The following BRIP1 variants were observed in gnomAD, a reference collection of about 807,000 sequenced individuals.
The protein encoded by BRIP1 is Fanconi anemia group J protein.
A neutral mutation model predicts 119.7 loss-of-function variants in BRIP1; 88 were observed. The ratio of observed to expected loss-of-function variants is 0.74; its 90% CI spans 0.62 to 0.88. BRIP1 has a LOEUF of 0.88. Ranked by LOEUF, BRIP1 falls within the 40% of genes least tolerant of loss-of-function variation. The pLI is 0.00. For missense variants in BRIP1, 1,259 were observed against 1,455.4 expected (o/e 0.87, Z 2.20); for synonymous variants, 443 against 496.5 (o/e 0.89, Z 1.43).
rs1447973474 is a variant in BRIP1, at chr17:61,756,821, T to C, written c.2098-12230A>G. Among the ~76,000 whole-genome samples the C allele has an allele frequency of 6.6e-6, 1 of 152,210 alleles. No homozygotes were observed. The highest frequency in any genetic ancestry group is 1.5e-5 in the Non-Finnish European group (1 of 68,030). ...ACCTCTTTGCCCTCATTAGTGGTAT[T>C]GTTACAATCCCAGTCCTCTGGAAAA... On this transcript the variant is annotated intron_variant, in intron 14 of 19. Coordinates refer to ENST00000259008, the MANE Select transcript of BRIP1 (RefSeq NM_032043.3). This position sits in a 1 kb window ranked among gnomAD's most constrained non-coding sequence, Gnocchi z 4.3.
chr17:61,811,619 T>A (rs1455647420), intron 6 of BRIP1, among the ~76,000 whole-genome samples: 3 of 152,044 alleles, frequency 2.0e-5, no homozygotes, highest in Non-Finnish European at 4.4e-5. Context: ...CAGGAATTAT[T>A]TCTTCAGAAG....
chr17:61,786,945 TATATA>T (rs1256861072), intron 10 of BRIP1, among the ~76,000 whole-genome samples: 1 of 110,210 alleles, frequency 9.1e-6, no homozygotes, highest in African/African-American at 3.7e-5. Flanking sequence ...AATATATTTA[TATATA>T]ATATATTTAT....
chr17:61,716,721 C>T (rs548267548), intron 16 of BRIP1, among the ~76,000 whole-genome samples: 4 of 108,274 alleles, frequency 3.7e-5, no homozygotes, highest in Middle Eastern at 4.5e-3. Context: ...CCCCTACCCC[C>T]CCAATCTGTA....
At position 61,713,861 on chromosome 17, in the gene BRIP1, T is replaced by G. The variant is rs967969387; in HGVS notation, c.2492+2090A>C. Among the ~76,000 whole-genome samples, 7 of 151,160 alleles carry G rather than the reference T, an allele frequency of 4.6e-5. No homozygotes were observed. The highest frequency in any genetic ancestry group is 8.9e-5 in the Non-Finnish European group (6 of 67,784). On this transcript the variant is annotated intron_variant, in intron 17 of 19. Coordinates refer to ENST00000259008, the MANE Select transcript of BRIP1 (RefSeq NM_032043.3). This position sits in a 1 kb window ranked among gnomAD's most constrained non-coding sequence, Gnocchi z 4.9. ...CAGAAAAGTTTAAAAAGTAAAAAAA[T>G]AAAAAATAAAAATTTCAAAAATAGA... is the stretch of plus-strand genomic sequence containing the variant.
chr17:61,803,135 C>T lies in BRIP1; in HGVS notation c.919-1661G>A, dbSNP rs1351940975. Among the ~76,000 whole-genome samples the T allele has an allele frequency of 1.3e-5, 2 of 151,040 alleles. No individual in the cohort carries two copies. The highest frequency in any genetic ancestry group is 2.4e-5 in the African/African-American group (1 of 40,962). On this transcript the variant is annotated intron_variant, in intron 7 of 19. Coordinates refer to ENST00000259008, the MANE Select transcript of BRIP1 (RefSeq NM_032043.3). The surrounding 1 kb of genome is among the most constrained non-coding windows in gnomAD (Gnocchi z 4.3). ...CAGAGATGGGAGTCTCACTCTGTCA[C>T]CTGGGGTGCAGTGGCACGATCCAAT...
At chr17:61,715,313 AAT>A (rs2061843589) in intron 17 of BRIP1, among the ~76,000 whole-genome samples, 1 of 152,096 alleles carries the variant, frequency 6.6e-6, no homozygotes, top group Non-Finnish European at 1.5e-5. Flanking sequence ...GGCACAAGAA[AAT>A]ATAGATTGTA....
At chr17:61,849,844 C>T (rs1408445014) in intron 4 of BRIP1, among the ~76,000 whole-genome samples, 1 of 152,192 alleles carries the variant, frequency 6.6e-6, no homozygotes, top group Non-Finnish European at 1.5e-5. Flanking sequence ...CTAGACATGA[C>T]TGAATCCTGC....
chr17:61,791,249 G>A (rs1193677217), intron 10 of BRIP1, among the ~76,000 whole-genome samples: 1 of 151,968 alleles, frequency 6.6e-6, no homozygotes, highest in East Asian at 1.9e-4. Flanking sequence ...AGCACTTTGG[G>A]AGGCCAAGGC....
At chr17:61,702,314 A>G (rs1040402726) in intron 17 of BRIP1, among the ~76,000 whole-genome samples, 20 of 152,150 alleles carry the variant, frequency 1.3e-4, no homozygotes, top group Admixed American at 5.9e-4. Context: ...CAGGTTTGTT[A>G]TAGAGGCAGA....
At position 61,725,096 on chromosome 17, in the gene BRIP1, A is replaced by C. The variant is rs1196129746; in HGVS notation, c.2380-9033T>G. Reference sequence around the variant, plus strand: ...GTTTTATTTCATCTGGCATATTTTCAAGATTTCTGACACAGTTAACCAAAT... The same window carrying C: ...GTTTTATTTCATCTGGCATATTTTCCAGATTTCTGACACAGTTAACCAAAT... On this transcript the variant is annotated intron_variant, in intron 16 of 19. Coordinates refer to ENST00000259008, the MANE Select transcript of BRIP1 (RefSeq NM_032043.3). The surrounding 1 kb of genome is among the most constrained non-coding windows in gnomAD (Gnocchi z 5.3). Among the ~76,000 whole-genome samples the C allele has an allele frequency of 1.3e-5, 2 of 151,916 alleles. No homozygotes were observed. Among genetic ancestry groups the C allele is most frequent in the Non-Finnish European group, 2.9e-5 (2 of 67,978 alleles).
In BRIP1 at chr17:61,841,065, C is replaced by T. The variant is rs983061809; in HGVS notation, c.627+6036G>A. The stretch of plus-strand genomic sequence containing the variant: ...CCCTCTCACCATCTACAAAAACCAA[C>T]TCAAAATAGATTAAAGACTTAAACA... On this transcript the variant is annotated intron_variant, in intron 6 of 19. Transcript: ENST00000259008. The surrounding 1 kb of genome is among the most constrained non-coding windows in gnomAD (Gnocchi z 4.1). Among the ~76,000 whole-genome samples the T allele has an allele frequency of 1.3e-5, 2 of 152,114 alleles. No homozygotes were observed. Among genetic ancestry groups the T allele is most frequent in the African/African-American group, 4.8e-5 (2 of 41,428 alleles).
At chr17:61,833,440 C>T (rs1351027813) in intron 6 of BRIP1, among the ~76,000 whole-genome samples, 1 of 152,150 alleles carries the variant, frequency 6.6e-6, no homozygotes, top group Non-Finnish European at 1.5e-5. Context: ...GAGGCCAAGG[C>T]AAGCGGATCA....
At position 61,808,769 on chromosome 17, in the gene BRIP1, G is replaced by T; in HGVS notation, c.628-12C>A. The T allele has an allele frequency of 6.2e-7, 1 of 1,609,262 alleles. No individual in the cohort carries two copies. On this transcript the variant is annotated splice_polypyrimidine_tract_variant and intron_variant, in intron 6 of 19. Transcript: ENST00000259008. This position sits in a 1 kb window ranked among gnomAD's most constrained non-coding sequence, Gnocchi z 4.1. ...CAGTGGCCAGGGGGCTGTAAGAAAG[G>T]AAAGAAACGATAACTAATATCTAAA...
rs1265033694 is a variant in BRIP1 at position 61,824,350 on chromosome 17, TA to T, written c.628-15594del. Among the ~76,000 whole-genome samples, 3 of 152,280 alleles carry T rather than the reference TA, an allele frequency of 2.0e-5. No homozygotes were observed. The highest frequency in any genetic ancestry group is 2.0e-4 in the Admixed American group (3 of 15,296). Reference sequence around the variant, plus strand: ...ACATGGATTCTCAAGGAACCCCGAATAACCACAATAATCTTGAAAAAGAACA... The same window carrying T: ...ACATGGATTCTCAAGGAACCCCGAATACCACAATAATCTTGAAAAAGAACA... On this transcript the variant is annotated intron_variant, in intron 6 of 19. Coordinates refer to ENST00000259008, the MANE Select transcript of BRIP1 (RefSeq NM_032043.3). This position sits in a 1 kb window ranked among gnomAD's most constrained non-coding sequence, Gnocchi z 4.3.
chr17:61,721,729 G>A (rs1408822894), intron 16 of BRIP1, among the ~76,000 whole-genome samples: 16 of 99,166 alleles, frequency 1.6e-4, no homozygotes, highest in African/African-American at 6.2e-4. Context: ...ACAGAGTACC[G>A]CTCAGTCACC....
chr17:61,791,842 TA>T (rs543137590), intron 10 of BRIP1, among the ~76,000 whole-genome samples: 4 of 152,122 alleles, frequency 2.6e-5, no homozygotes, highest in African/African-American at 9.7e-5. Context: ...TATTCAGTCT[TA>T]AAAAAGAAGA....
chr17:61,686,201 A>C lies in BRIP1; in HGVS notation c.2576-36T>G, dbSNP rs760331024. On this transcript the variant is annotated intron_variant, in intron 18 of 19. Transcript: ENST00000259008. This position sits in a 1 kb window ranked among gnomAD's most constrained non-coding sequence, Gnocchi z 5.4. The stretch of plus-strand genomic sequence containing the variant: ...AGGTAAACCCAGGGAAAATTTGGTT[A>C]CTTAGTTATTAAAATATTACATGCT... 7 of 1,583,114 alleles carry C rather than the reference A, an allele frequency of 4.4e-6. No homozygotes were observed. Among genetic ancestry groups the C allele is most frequent in the Non-Finnish European group, 6.1e-6 (7 of 1,152,170 alleles).
rs1365890359 is a variant in BRIP1, at chr17:61,805,158, A to T, written c.918+3309T>A. ...TTTCAAAACATACATACATCAATAC[A>T]TACACAAATGTATCTAGATATTGCT... On this transcript the variant is annotated intron_variant, in intron 7 of 19. Coordinates refer to ENST00000259008, the MANE Select transcript of BRIP1 (RefSeq NM_032043.3). The surrounding 1 kb of genome is among the most constrained non-coding windows in gnomAD (Gnocchi z 5.6). 6.6e-6 allele frequency among the ~76,000 whole-genome samples: 1 copy of T among 152,210 alleles called. No individual in the cohort carries two copies. Among genetic ancestry groups the T allele is most frequent in the Non-Finnish European group, 1.5e-5 (1 of 68,044 alleles).
chr17:61,780,350 TA>T lies in BRIP1; in HGVS notation c.1845del (p.Thr616HisfsTer5). 1 of 1,610,868 alleles carries T rather than the reference TA, an allele frequency of 6.2e-7. No individual in the cohort carries two copies. The highest frequency in any genetic ancestry group is 8.5e-7 in the Non-Finnish European group (1 of 1,177,018). On this transcript the variant is annotated frameshift_variant, in exon 13 of 20. Transcript: ENST00000259008. LOFTEE classifies it high-confidence loss of function. The surrounding 1 kb of genome is among the most constrained non-coding windows in gnomAD (Gnocchi z 5.4). ...GAAAAGGATTTCATTGGTGATAATG[TA>T]CCAGATGTCAAAACAATGGTCTGAA... ...GKVQTIVLTS[G>X]TLSPMKSFSS...
Sources: gnomAD v4.1 joint callset for allele counts (sites outside exome capture counted in the v4.1 genomes callset) on GRCh38, gnomAD v4.1.1 for gene constraint, Gnocchi (gnomAD v3.1) non-coding constraint, MANE v1.5 for transcripts, NCBI Gene and HGNC (gene_info 2026-07-23, HGNC 2026-07-21) for gene names.